The following ASIC2 variants were observed in gnomAD, a reference collection of about 807,000 sequenced individuals.
The protein encoded by ASIC2 is acid sensing ion channel subunit 2, also known as acid-sensing ion channel 2.
ASIC2 carries 25 observed loss-of-function variants against 57.3 expected under a neutral mutation model. The observed-to-expected ratio is 0.44, with a 90% CI of 0.32 to 0.61. The LOEUF (loss-of-function observed/expected upper bound fraction) is 0.61. ASIC2 is among the 20% of genes least tolerant of loss of function. ASIC2 has a pLI of 0.06. For synonymous variants in ASIC2, 319 were observed against 307.5 expected (o/e 1.04, Z -0.39); for missense variants, 641 against 738.1 (o/e 0.87, Z 1.52).
intron 1 of ASIC2, among the ~76,000 whole-genome samples, chr17:33,176,907 AG>A: frequency 6.6e-6 from 1 of 152,306 alleles, no homozygotes; most frequent in Middle Eastern, 3.4e-3. Flanking sequence ...CAGAAGGTAC[AG>A]GGGCAGGGAG....
intron 1 of ASIC2, among the ~76,000 whole-genome samples, chr17:33,330,661 C>T (rs1179554274): frequency 1.3e-5 from 2 of 152,088 alleles, no homozygotes; most frequent in East Asian, 1.9e-4. Flanking sequence ...TTTTTCCTAT[C>T]CTTGCTGCTG....
chr17:34,146,240 A>G (rs1231907084), intron 1 of ASIC2, among the ~76,000 whole-genome samples: 2 of 152,210 alleles, frequency 1.3e-5, no homozygotes, highest in African/African-American at 2.4e-5. Flanking sequence ...TTGAAAACAC[A>G]GATTTTGAAA....
At chr17:33,050,525 G>A (rs16581) in intron 3 of ASIC2, among the ~76,000 whole-genome samples, 27,630 of 152,066 alleles carry the variant, frequency 0.18, 3,432 homozygotes, top group East Asian at 0.49. Context: ...TAACTCAGGG[G>A]CATTGGAAAG....
intron 1 of ASIC2, among the ~76,000 whole-genome samples, chr17:33,186,063 C>T (rs889816472): frequency 2.0e-5 from 3 of 151,994 alleles, no homozygotes; most frequent in Non-Finnish European, 2.9e-5. Context: ...TGAAATTTGC[C>T]GTTTGATATT....
At chr17:33,560,078 C>T (rs1916025608) in intron 1 of ASIC2, among the ~76,000 whole-genome samples, 1 of 152,138 alleles carries the variant, frequency 6.6e-6, no homozygotes, top group African/African-American at 2.4e-5. Context: ...ACCATTTGCT[C>T]AGCATGAAGC....
chr17:33,076,840 T>C (rs1260628378), intron 3 of ASIC2, among the ~76,000 whole-genome samples: 3 of 152,212 alleles, frequency 2.0e-5, no homozygotes, highest in African/African-American at 7.2e-5. Context: ...TTGATGAACA[T>C]TTAAGTTGTG....
intron 1 of ASIC2, among the ~76,000 whole-genome samples, chr17:34,041,733 T>A (rs934624029): frequency 2.0e-5 from 3 of 152,226 alleles, no homozygotes; most frequent in Non-Finnish European, 4.4e-5. Flanking sequence ...CAAAGACTTT[T>A]AATGCTTGTT....
Position 34,152,681 on chromosome 17 carries a change from A to G in ASIC2, c.555+3297T>C, listed in dbSNP as rs115818464. 2.2e-3 allele frequency among the ~76,000 whole-genome samples: 341 copies of G among 152,330 alleles called. 1 individual carries two copies. Among genetic ancestry groups the G allele is most frequent in the African/African-American group, 7.5e-3 (311 of 41,572 alleles). On this transcript the variant is annotated intron_variant, in intron 1 of 9. Transcript: ENST00000359872. ...CCTGTGGGTTAGTAAGTCAAATATT[A>G]CTATCACATGTTAGATGACCAAGTC... is the stretch of plus-strand genomic sequence containing the variant.
chr17:33,700,698 T>C (rs1908670757), intron 1 of ASIC2, among the ~76,000 whole-genome samples: 1 of 152,198 alleles, frequency 6.6e-6, no homozygotes, highest in Non-Finnish European at 1.5e-5. Flanking sequence ...TAGGGTTCTG[T>C]TTTCATGGAG....
intron 1 of ASIC2, among the ~76,000 whole-genome samples, chr17:33,340,329 C>G (rs1567828220): frequency 6.6e-6 from 1 of 152,028 alleles, no homozygotes; most frequent in Admixed American, 6.6e-5. Flanking sequence ...TCTTAAGCTG[C>G]CAGAGTGTTA....
intron 1 of ASIC2, among the ~76,000 whole-genome samples, chr17:33,159,219 A>G (rs772679727): frequency 3.9e-5 from 6 of 152,170 alleles, no homozygotes; most frequent in Middle Eastern, 3.2e-3. Flanking sequence ...TGATTTTTCA[A>G]TGGCTGGGTT....
chr17:33,139,675 C>A (rs1877247047), intron 1 of ASIC2, among the ~76,000 whole-genome samples: 2 of 152,270 alleles, frequency 1.3e-5, no homozygotes, highest in South Asian at 4.1e-4. Context: ...ATGTCCCCTC[C>A]TGCTGGTCTC....
chr17:33,889,494 T>A (rs184613500), intron 1 of ASIC2, among the ~76,000 whole-genome samples: 1 of 152,350 alleles, frequency 6.6e-6, no homozygotes, highest in Admixed American at 6.5e-5. Context: ...ACTTGAATTA[T>A]GTTGTATTTT....
Position 33,568,530 on chromosome 17 carries a change from G to A in ASIC2, c.556-456463C>T, listed in dbSNP as rs571130673. Among the ~76,000 whole-genome samples, 10 of 152,094 alleles carry A rather than the reference G, an allele frequency of 6.6e-5. No homozygotes were observed. In the East Asian group the frequency reaches 9.7e-4, roughly 15 times the overall value. On this transcript the variant is annotated intron_variant, in intron 1 of 9. Coordinates refer to the ASIC2 transcript ENST00000359872. ...CCTCTCATTGGCCTGGTAAACTTCC[G>A]GAAATGGTACCTTCCAGAATCATCT...
intron 1 of ASIC2, among the ~76,000 whole-genome samples, chr17:34,141,160 T>TAAA (rs35314607): frequency 2.0e-5 from 3 of 148,438 alleles, no homozygotes; most frequent in African/African-American, 7.4e-5. Flanking sequence ...CTTGAATTAT[T>TAAA]AAAAAAAAAA....
At chr17:33,918,286 A>T (rs1013560463) in intron 1 of ASIC2, among the ~76,000 whole-genome samples, 1 of 152,122 alleles carries the variant, frequency 6.6e-6, no homozygotes, top group African/African-American at 2.4e-5. Context: ...ACCTTATATG[A>T]ATCTCCACCT....
intron 1 of ASIC2, among the ~76,000 whole-genome samples, chr17:33,919,952 A>T (rs1488178690): frequency 6.6e-6 from 1 of 152,220 alleles, no homozygotes; most frequent in Non-Finnish European, 1.5e-5. Context: ...GAGAGATGCA[A>T]ATCAAAACCA....
intron 1 of ASIC2, among the ~76,000 whole-genome samples, chr17:33,914,214 T>C (rs1473238867): frequency 1.3e-5 from 2 of 152,138 alleles, no homozygotes; most frequent in African/African-American, 4.8e-5. Context: ...AAACGGTCCA[T>C]TGTGGGCTGG....
intron 3 of ASIC2, among the ~76,000 whole-genome samples, chr17:33,045,310 G>C (rs2091948976): frequency 6.6e-6 from 1 of 152,174 alleles, no homozygotes; most frequent in Admixed American, 6.5e-5. Flanking sequence ...TTTTCAGTGT[G>C]CCTGTGCATG....
Sources: gnomAD v4.1 joint callset for allele counts (sites outside exome capture counted in the v4.1 genomes callset) on GRCh38, gnomAD v4.1.1 for gene constraint, MANE v1.5 for transcripts, NCBI Gene and HGNC (gene_info 2026-07-23, HGNC 2026-07-21) for gene names.